Variants in PRKCA observed in about 807,000 individuals in gnomAD.
PRKCA encodes the protein protein kinase C alpha, also known as protein kinase C alpha type.
Under a neutral mutation model 87.0 loss-of-function variants are expected in PRKCA, and 27 were observed. The ratio of observed to expected loss-of-function variants is 0.31; its 90% CI spans 0.23 to 0.43. PRKCA has a LOEUF of 0.43. Among genes scored for constraint, PRKCA ranks in the 20% least tolerant of loss-of-function variants. The pLI is 1.00. For missense variants in PRKCA, 518 were observed against 852.3 expected, an observed-to-expected ratio of 0.61 and a Z score of 4.88; for synonymous variants, 329 against 311.1, an observed-to-expected ratio of 1.06 and a Z score of -0.61.
At chr17:66,426,733 T>C (rs1912827778) in intron 2 of PRKCA, among the ~76,000 whole-genome samples, 1 of 152,162 alleles carries the variant, frequency 6.6e-6, no homozygotes, top group Admixed American at 6.5e-5. Flanking sequence ...TTCCTGTTAG[T>C]GAGCAGGTAA....
At chr17:66,714,384 C>T (rs940689777) in intron 8 of PRKCA, among the ~76,000 whole-genome samples, 114 of 152,258 alleles carry the variant, frequency 7.5e-4, no homozygotes, top group Non-Finnish European at 3.2e-4. Flanking sequence ...CTGTGCCCAC[C>T]GTTGGAGACA....
intron 3 of PRKCA, among the ~76,000 whole-genome samples, chr17:66,615,323 G>T (rs1318836238): frequency 1.3e-5 from 2 of 152,152 alleles, no homozygotes; most frequent in Non-Finnish European, 2.9e-5. Flanking sequence ...TCTTATGAAG[G>T]AGGGAGGGGA....
In PRKCA at chr17:66,578,828, G is replaced by A. The variant is rs1265384452; in HGVS notation, c.289-62527G>A. Among the ~76,000 whole-genome samples the A allele has an allele frequency of 7.2e-5, 11 of 152,264 alleles. 1 individual carries two copies. Among genetic ancestry groups the A allele is most frequent in the South Asian group, 2.1e-4 (1 of 4,828 alleles). On this transcript the variant is annotated intron_variant, in intron 3 of 16. Coordinates refer to ENST00000413366, the MANE Select transcript of PRKCA (RefSeq NM_002737.3). ...TCTGGTCTTGTGCCTCCTCCCAGCC[G>A]TCCTCGGGCCCCCTTGCACTGTGGA...
intron 2 of PRKCA, among the ~76,000 whole-genome samples, chr17:66,329,387 C>T (rs996049727): frequency 2.0e-5 from 3 of 152,094 alleles, no homozygotes; most frequent in East Asian, 1.9e-4. Flanking sequence ...AGGGTGATGC[C>T]GGGAAGGCAG....
intron 2 of PRKCA, among the ~76,000 whole-genome samples, chr17:66,329,318 C>T (rs1906186341): frequency 6.6e-6 from 1 of 152,156 alleles, no homozygotes; most frequent in Non-Finnish European, 1.5e-5. Context: ...TGGTTTTAAA[C>T]TTGCTGAATG....
chr17:66,772,963 C>G (rs1381411754), intron 13 of PRKCA, among the ~76,000 whole-genome samples: 1 of 152,028 alleles, frequency 6.6e-6, no homozygotes, highest in Non-Finnish European at 1.5e-5. Flanking sequence ...ATACTCATTT[C>G]TAACTGATAA....
intron 3 of PRKCA, among the ~76,000 whole-genome samples, chr17:66,573,942 ACACAGACCCC>A (rs1261226513): frequency 1.3e-5 from 2 of 152,210 alleles, no homozygotes; most frequent in Non-Finnish European, 2.9e-5. Flanking sequence ...CCTGGGTTTA[ACACAGACCCC>A]CATCTCTAAA....
intron 3 of PRKCA, among the ~76,000 whole-genome samples, chr17:66,627,171 G>A (rs1280178410): frequency 6.6e-6 from 1 of 152,184 alleles, no homozygotes; most frequent in Admixed American, 6.5e-5. Flanking sequence ...AACCCAGAAA[G>A]GTGAATTTCA....
chr17:66,694,984 A>T (rs531070082), intron 8 of PRKCA, among the ~76,000 whole-genome samples: 1 of 152,302 alleles, frequency 6.6e-6, no homozygotes, highest in South Asian at 2.1e-4. Context: ...AGAATCAAGA[A>T]AATGGGCTGA....
intron 8 of PRKCA, among the ~76,000 whole-genome samples, chr17:66,702,653 A>G (rs1283380152): frequency 2.0e-5 from 3 of 152,220 alleles, no homozygotes; most frequent in African/African-American, 4.8e-5. Flanking sequence ...CACAGTGGAT[A>G]TGTACACAAA....
In PRKCA at chr17:66,810,472, A is replaced by T. The variant is rs1976138805; in HGVS notation, c.*6435A>T. 1 of 152,246 alleles carries T rather than the reference A, an allele frequency of 6.6e-6. No homozygotes were observed. The highest frequency in any genetic ancestry group is 2.1e-4 in the South Asian group (1 of 4,828). The allele number at this position is 152,246 out of a possible 1,614,324, so 9.4% of individuals were successfully genotyped here. A position where few individuals can be genotyped will look rare whatever the true frequency, so the allele number is the denominator to read the frequency against. ...CATACCACGTTTAAATCATTAATTG[A>T]AAAACATCATATAAGCCCCAACTTT... On this transcript the variant is annotated 3_prime_UTR_variant, in exon 17 of 17. Coordinates refer to ENST00000413366, the MANE Select transcript of PRKCA (RefSeq NM_002737.3).
intron 3 of PRKCA, among the ~76,000 whole-genome samples, chr17:66,544,433 C>T (rs1303742082): frequency 1.3e-5 from 2 of 151,784 alleles, no homozygotes; most frequent in Non-Finnish European, 2.9e-5. Context: ...TATTTGTATA[C>T]ATGCTGGTTT....
chr17:66,483,577 C>T (rs1915872595), intron 2 of PRKCA, among the ~76,000 whole-genome samples: 1 of 152,020 alleles, frequency 6.6e-6, no homozygotes. Flanking sequence ...ATTCTCCTGC[C>T]TCAGCCTCCC....
intron 13 of PRKCA, among the ~76,000 whole-genome samples, chr17:66,758,720 C>T (rs563390158): frequency 5.6e-4 from 86 of 152,304 alleles, no homozygotes; most frequent in Non-Finnish European, 8.8e-4. Flanking sequence ...CCCATTCGCT[C>T]GCAGTAGCCT....
At chr17:66,746,042 C>A (rs1182983287) in intron 13 of PRKCA, among the ~76,000 whole-genome samples, 1 of 152,042 alleles carries the variant, frequency 6.6e-6, no homozygotes, top group Non-Finnish European at 1.5e-5. Context: ...ATCATACTGA[C>A]CAGCAGGAAT....
intron 11 of PRKCA, among the ~76,000 whole-genome samples, chr17:66,741,321 C>A (rs1171474222): frequency 6.6e-6 from 1 of 151,716 alleles, no homozygotes; most frequent in Non-Finnish European, 1.5e-5. Flanking sequence ...TGGAAATTTT[C>A]TTTACGCCAT....
In PRKCA at chr17:66,615,387, G is replaced by A. The variant is rs75482014; in HGVS notation, c.289-25968G>A. Among the ~76,000 whole-genome samples the A allele has an allele frequency of 2.0e-3, 305 of 152,298 alleles. 1 individual carries two copies. Among genetic ancestry groups the A allele is most frequent in the African/African-American group, 6.4e-3 (264 of 41,558 alleles). On this transcript the variant is annotated intron_variant, in intron 3 of 16. Coordinates refer to ENST00000413366, the MANE Select transcript of PRKCA (RefSeq NM_002737.3). ...CTGTGCTGTAATGGGATTGTATTCTGTAGGGCTCTGAAGATAGCACTTGGG... is the reference window on the plus strand; with the variant it reads ...CTGTGCTGTAATGGGATTGTATTCTATAGGGCTCTGAAGATAGCACTTGGG...
At position 66,620,376 on chromosome 17, in the gene PRKCA, G is replaced by C. The variant is rs1175982638; in HGVS notation, c.289-20979G>C. ...CAGTAAATGGCGATTCCACCTCTGG[G>C]TAGGCAGAAGAAAAGGGGAAGCAAT... On this transcript the variant is annotated intron_variant, in intron 3 of 16. Coordinates refer to ENST00000413366, the MANE Select transcript of PRKCA (RefSeq NM_002737.3). 3.9e-5 allele frequency among the ~76,000 whole-genome samples: 6 copies of C among 152,100 alleles called. No individual in the cohort carries two copies. The East Asian group carries it at 1.2e-3, about 29-fold the overall frequency.
At chr17:66,731,324 G>A (rs953620257) in intron 8 of PRKCA, among the ~76,000 whole-genome samples, 1 of 139,286 alleles carries the variant, frequency 7.2e-6, no homozygotes, top group African/African-American at 2.9e-5. Flanking sequence ...GCTTCAGCCT[G>A]GGCAACAAGA....
Sources: allele counts gnomAD v4.1 joint callset (sites outside exome capture counted in the v4.1 genomes callset), GRCh38; gene constraint gnomAD v4.1.1; transcripts MANE v1.5; gene names NCBI Gene and HGNC (gene_info 2026-07-23, HGNC 2026-07-21).